Variants in PARD6G observed in about 807,000 individuals in gnomAD.
PARD6G encodes par-6 family cell polarity regulator gamma.
Under a neutral mutation model 10.7 loss-of-function variants are expected in PARD6G, and 7 were observed. The observed-to-expected ratio is 0.66, with a 90% CI of 0.37 to 1.23. The LOEUF is 1.23. Ranked by LOEUF, PARD6G falls within the 50% of genes most tolerant of loss-of-function variation. The probability of loss-of-function intolerance (pLI) is 0.02; values close to 1 mark genes in which losing one functional copy is unlikely to be tolerated. For missense variants in PARD6G, 548 were observed against 571.8 expected, an observed-to-expected ratio of 0.96 and a Z score of 0.42; for synonymous variants, 287 against 269.4, an observed-to-expected ratio of 1.07 and a Z score of -0.64.
chr18:80,177,411 ACACATACACG>A (rs1200226381), intron 2 of PARD6G, among the ~76,000 whole-genome samples: 1 of 151,226 alleles, frequency 6.6e-6, no homozygotes, highest in African/African-American at 2.4e-5. Flanking sequence ...AAGCATACAC[ACACATACACG>A]CAAACACGCA....
intron 2 of PARD6G, among the ~76,000 whole-genome samples, chr18:80,187,090 C>G (rs1416669863): frequency 6.7e-6 from 1 of 149,902 alleles, no homozygotes; most frequent in Non-Finnish European, 1.5e-5. Context: ...GAGTAAGACT[C>G]TGTCTCAAGA....
intron 1 of PARD6G, among the ~76,000 whole-genome samples, chr18:80,224,743 AG>A (rs1967271945): frequency 6.6e-6 from 1 of 152,100 alleles, no homozygotes; most frequent in Admixed American, 6.6e-5. Flanking sequence ...GCTACTTGGG[AG>A]GCTGAGGCAG....
chr18:80,238,491 CA>C lies in PARD6G; in HGVS notation c.72+8785del, dbSNP rs537780246. Among the ~76,000 whole-genome samples, 354 of 131,578 alleles carry C rather than the reference CA, an allele frequency of 2.7e-3. 1 individual carries two copies. The highest frequency in any genetic ancestry group is 8.2e-3 in the African/African-American group (279 of 34,036). 86.3% of individuals were successfully genotyped at this position (131,578 alleles called of 152,430 possible). ...AAGTACCCTAAAACTTAAAGTATAACAAAAAAAAAAACAACTATTTTTTTAA... is the reference window on the plus strand; with the variant it reads ...AAGTACCCTAAAACTTAAAGTATAACAAAAAAAAAACAACTATTTTTTTAA... On this transcript the variant is annotated intron_variant, in intron 1 of 2. Coordinates refer to ENST00000353265, the MANE Select transcript of PARD6G (RefSeq NM_032510.4).
At position 80,199,220 on chromosome 18, in the gene PARD6G, A is replaced by AT. The variant is rs1305517298; in HGVS notation, c.295+3489dup. ...AGCCTCTGGTCACAACATTTCATCA[A>AT]TACACAGTCCTTGAATAATGAGAAT... is the stretch of plus-strand genomic sequence containing the variant. On this transcript the variant is annotated intron_variant, in intron 2 of 2. Coordinates refer to ENST00000353265, the MANE Select transcript of PARD6G (RefSeq NM_032510.4). 2.0e-5 allele frequency among the ~76,000 whole-genome samples: 3 copies of AT among 152,228 alleles called. No individual in the cohort carries two copies. In the East Asian group the frequency reaches 5.8e-4, roughly 29 times the overall value.
intron 2 of PARD6G, among the ~76,000 whole-genome samples, chr18:80,167,123 G>A (rs1443536958): frequency 6.6e-6 from 1 of 152,210 alleles, no homozygotes; most frequent in Non-Finnish European, 1.5e-5. Flanking sequence ...GGGCCTCACA[G>A]GTCACATCCC....
At position 80,235,100 on chromosome 18, in the gene PARD6G, A is replaced by G. The variant is rs1233326541; in HGVS notation, c.72+12177T>C. Among the ~76,000 whole-genome samples, 7 of 152,226 alleles carry G rather than the reference A, an allele frequency of 4.6e-5. No individual in the cohort carries two copies. The East Asian group carries it at 1.2e-3, about 25-fold the overall frequency. On this transcript the variant is annotated intron_variant, in intron 1 of 2. Coordinates refer to ENST00000353265, the MANE Select transcript of PARD6G (RefSeq NM_032510.4). Reference sequence around the variant, plus strand: ...ACACCTATTCCAAAATTGACCACATAGTTGGAAGTAAAGCACTCCTCAGCA... The same window carrying G: ...ACACCTATTCCAAAATTGACCACATGGTTGGAAGTAAAGCACTCCTCAGCA...
intron 1 of PARD6G, among the ~76,000 whole-genome samples, chr18:80,217,346 C>G (rs1967179845): frequency 6.6e-6 from 1 of 152,152 alleles, no homozygotes; most frequent in Non-Finnish European, 1.5e-5. Context: ...ACACCACCCT[C>G]AAGGATGTAG....
intron 2 of PARD6G, among the ~76,000 whole-genome samples, chr18:80,163,106 A>T (rs1029174575): frequency 6.6e-6 from 1 of 152,098 alleles, no homozygotes; most frequent in Admixed American, 6.5e-5. Flanking sequence ...TTGGATGACA[A>T]ATCTATGCAC....
intron 2 of PARD6G, among the ~76,000 whole-genome samples, chr18:80,195,073 T>G (rs1426153217): frequency 6.6e-6 from 1 of 152,080 alleles, no homozygotes; most frequent in Non-Finnish European, 1.5e-5. Context: ...AGATGATCAT[T>G]GGCCTAATAT....
At chr18:80,213,743 G>A (rs766341315) in intron 1 of PARD6G, among the ~76,000 whole-genome samples, 11 of 152,012 alleles carry the variant, frequency 7.2e-5, no homozygotes, top group Non-Finnish European at 1.3e-4. Context: ...CGGATCATGA[G>A]GTCAGGAGAT....
At position 80,220,227 on chromosome 18, in the gene PARD6G, C is replaced by T. The variant is rs568083937; in HGVS notation, c.73-17295G>A. Among the ~76,000 whole-genome samples, 5 of 152,262 alleles carry T rather than the reference C, an allele frequency of 3.3e-5. No individual in the cohort carries two copies. The South Asian group carries it at 6.2e-4, about 19-fold the overall frequency. On this transcript the variant is annotated intron_variant, in intron 1 of 2. Transcript: ENST00000353265. ...AAGCCCCCTTATAAAACCATCAGCT[C>T]GTGTGAGAACTCACTATCACAAAAA...
chr18:80,235,786 C>T (rs1967415181), intron 1 of PARD6G, among the ~76,000 whole-genome samples: 1 of 152,110 alleles, frequency 6.6e-6, no homozygotes. Flanking sequence ...ATACACCCTC[C>T]CAAGACTAAA....
chr18:80,160,095 G>T lies in PARD6G; in HGVS notation c.807C>A (p.Pro269=), dbSNP rs2052687279. The T allele has an allele frequency of 1.2e-5, 19 of 1,603,136 alleles. No individual in the cohort carries two copies. The highest frequency in any genetic ancestry group is 1.6e-5 in the Non-Finnish European group (19 of 1,175,304). Residue 269 remains proline, a synonymous_variant, in exon 3 of 3, where the codon CCC becomes CCA. Coordinates refer to ENST00000353265, the MANE Select transcript of PARD6G (RefSeq NM_032510.4). ...CCACGAAGCCCGCGGTGCCGTCCGAGGGCGGTCCCGAGCTGCCCAACGCGC... is the reference window on the plus strand; with the variant it reads ...CCACGAAGCCCGCGGTGCCGTCCGATGGCGGTCCCGAGCTGCCCAACGCGC... ...GGRALGSSGP[P]SDGTAGFVGP...
chr18:80,181,859 C>T lies in PARD6G; in HGVS notation c.295+20851G>A, dbSNP rs564783163. ...CAGAGATCCACTGCCCAAGGCTGCC[C>T]GGTAGACCTGTCCCTGGGAGGGAAG... On this transcript the variant is annotated intron_variant, in intron 2 of 2. Transcript: ENST00000353265. The surrounding 1 kb of genome is among the most constrained non-coding windows in gnomAD (Gnocchi z 7.9). 2.6e-5 allele frequency among the ~76,000 whole-genome samples: 4 copies of T among 152,238 alleles called. No individual in the cohort carries two copies. Among genetic ancestry groups the T allele is most frequent in the East Asian group, 1.9e-4 (1 of 5,168 alleles).
chr18:80,166,232 C>T (rs545552520), intron 2 of PARD6G, among the ~76,000 whole-genome samples: 3 of 151,342 alleles, frequency 2.0e-5, no homozygotes, highest in African/African-American at 4.9e-5. Flanking sequence ...TCATGGACAC[C>T]GTATGGTCAG....
At chr18:80,221,410 C>CA in intron 1 of PARD6G, among the ~76,000 whole-genome samples, 1 of 151,998 alleles carries the variant, frequency 6.6e-6, no homozygotes, top group Non-Finnish European at 1.5e-5. Context: ...TTTAGCATTC[C>CA]AAAATCAGTC....
In PARD6G at chr18:80,192,607, C is replaced by A. The variant is rs1361452568; in HGVS notation, c.295+10103G>T. The stretch of plus-strand genomic sequence containing the variant: ...ACAATTGCCAAGGCAGCCCCAGGGA[C>A]CTGTGTGGGGCTGTCATGACACATT... On this transcript the variant is annotated intron_variant, in intron 2 of 2. Transcript: ENST00000353265. This position sits in a 1 kb window ranked among gnomAD's most constrained non-coding sequence, Gnocchi z 4.9. Among the ~76,000 whole-genome samples, 1 of 152,142 alleles carries A rather than the reference C, an allele frequency of 6.6e-6. No individual in the cohort carries two copies. Among genetic ancestry groups the A allele is most frequent in the African/African-American group, 2.4e-5 (1 of 41,426 alleles).
chr18:80,228,672 C>T lies in PARD6G; in HGVS notation c.72+18605G>A, dbSNP rs1394774339. Among the ~76,000 whole-genome samples the T allele has an allele frequency of 1.3e-5, 2 of 152,032 alleles. No individual in the cohort carries two copies. The highest frequency in any genetic ancestry group is 6.5e-5 in the Admixed American group (1 of 15,276). On this transcript the variant is annotated intron_variant, in intron 1 of 2. Coordinates refer to ENST00000353265, the MANE Select transcript of PARD6G (RefSeq NM_032510.4). The surrounding 1 kb of genome is among the most constrained non-coding windows in gnomAD (Gnocchi z 4.6). The stretch of plus-strand genomic sequence containing the variant: ...GGCCCCGCCCACTGAGGCCCCATCC[C>T]CTGCCCACAGACTGCGCCTCCCACC...
intron 1 of PARD6G, among the ~76,000 whole-genome samples, chr18:80,226,066 A>G (rs1317168447): frequency 6.6e-6 from 1 of 151,108 alleles, no homozygotes; most frequent in Non-Finnish European, 1.5e-5. Flanking sequence ...ATAGGGCTAT[A>G]TAACCACATA....
Sources: gnomAD v4.1 joint callset for allele counts (sites outside exome capture counted in the v4.1 genomes callset) on GRCh38, gnomAD v4.1.1 for gene constraint, Gnocchi (gnomAD v3.1) non-coding constraint, MANE v1.5 for transcripts, NCBI Gene and HGNC (gene_info 2026-07-23, HGNC 2026-07-21) for gene names.